ZNF124: variants seen among roughly 807,000 people sequenced by gnomAD.
The protein encoded by ZNF124 is zinc finger protein HZF-16.
In ZNF124, 25 loss-of-function variants were observed where a neutral mutation model predicts 26.6. That is an observed-to-expected ratio of 0.94 (90% CI 0.68 to 1.31). The LOEUF is 1.31. Ranked by LOEUF, ZNF124 falls within the 40% of genes most tolerant of loss-of-function variation. The pLI is 0.00. For missense variants in ZNF124, 444 were observed against 422.2 expected (o/e 1.05, Z -0.45); for synonymous variants, 129 against 133.3 (o/e 0.97, Z 0.22).
intron 3 of ZNF124, among the ~76,000 whole-genome samples, chr1:247,147,552 T>C (rs1010279521): frequency 2.3e-4 from 35 of 152,112 alleles, no homozygotes; most frequent in African/African-American, 8.2e-4. Flanking sequence ...AAGCACAGTC[T>C]CAATTATCAG....
At chr1:247,167,236 A>G (rs2103136685) in intron 1 of ZNF124, among the ~76,000 whole-genome samples, 1 of 152,238 alleles carries the variant, frequency 6.6e-6, no homozygotes, top group South Asian at 2.1e-4. Context: ...GCGGTAGAGA[A>G]CCTCTGCTTT....
chr1:247,158,028 T>A (rs556801808), intron 3 of ZNF124, among the ~76,000 whole-genome samples: 1 of 151,694 alleles, frequency 6.6e-6, no homozygotes, highest in Non-Finnish European at 1.5e-5. Flanking sequence ...GGTGGGCAGA[T>A]CACTTGAGGT....
At chr1:247,166,274 A>C (rs960341649) in intron 1 of ZNF124, among the ~76,000 whole-genome samples, 2 of 152,362 alleles carry the variant, frequency 1.3e-5, no homozygotes, top group Non-Finnish European at 2.9e-5. Flanking sequence ...GTGGGAATTC[A>C]ATTCACTCAT....
At chr1:247,160,674 G>T (rs1673430099) in intron 1 of ZNF124, among the ~76,000 whole-genome samples, 1 of 152,154 alleles carries the variant, frequency 6.6e-6, no homozygotes, top group Admixed American at 6.5e-5. Flanking sequence ...TAGCAGTGGT[G>T]CCTAGGGGGA....
At chr1:247,143,923 G>T (rs1185942840) in intron 3 of ZNF124, among the ~76,000 whole-genome samples, 1 of 152,060 alleles carries the variant, frequency 6.6e-6, no homozygotes, top group Non-Finnish European at 1.5e-5. Context: ...CAGACAGCTA[G>T]GCAGTAAGCA....
chr1:247,154,587 A>C (rs1365269661), downstream of ZNF124, among the ~76,000 whole-genome samples: 4 of 152,244 alleles, frequency 2.6e-5, no homozygotes. Flanking sequence ...CTTTCAATAT[A>C]GATGCAAAAT....
intron 3 of ZNF124, among the ~76,000 whole-genome samples, chr1:247,138,992 T>C (rs1197219724): frequency 6.6e-6 from 1 of 152,250 alleles, no homozygotes. Context: ...TATCTACCGA[T>C]GACCTGAAAG....
chr1:247,132,744 A>G (rs1034845798), intron 3 of ZNF124, among the ~76,000 whole-genome samples: 1 of 152,230 alleles, frequency 6.6e-6, no homozygotes, highest in Non-Finnish European at 1.5e-5. Context: ...CATTGCATAG[A>G]AAAGCACTGT....
At chr1:247,172,313 G>A (rs113505888), upstream of ZNF124, among the ~76,000 whole-genome samples, 7,805 of 152,026 alleles carry the variant, frequency 0.051, 498 homozygotes, top group African/African-American at 0.16. Flanking sequence ...TTTAAAATAG[G>A]AAACAATATA....
intron 1 of ZNF124, among the ~76,000 whole-genome samples, chr1:247,167,977 C>A (rs1272357615): frequency 1.3e-5 from 2 of 152,100 alleles, no homozygotes; most frequent in African/African-American, 4.8e-5. Flanking sequence ...CAGGGAAATG[C>A]AAATTAAAAC....
intron 1 of ZNF124, among the ~76,000 whole-genome samples, chr1:247,167,280 T>A (rs1673833497): frequency 3.3e-5 from 5 of 152,216 alleles, no homozygotes; most frequent in Non-Finnish European, 7.3e-5. Flanking sequence ...TTGGAAATCC[T>A]GGCCACAGTG....
At chr1:247,148,838 C>T (rs558961754) in intron 3 of ZNF124, among the ~76,000 whole-genome samples, 309 of 152,018 alleles carry the variant, frequency 2.0e-3, no homozygotes, top group African/African-American at 7.1e-3. Context: ...GGTGTGGTGG[C>T]GGGTACCTGT....
intron 1 of ZNF124, among the ~76,000 whole-genome samples, chr1:247,163,921 C>T (rs1673636113): frequency 6.6e-6 from 1 of 152,112 alleles, no homozygotes; most frequent in African/African-American, 2.4e-5. Flanking sequence ...AAATCCAGCA[C>T]ACACCAAAAA....
At chr1:247,153,062 G>A (rs1219945061), downstream of ZNF124, among the ~76,000 whole-genome samples, 1 of 151,864 alleles carries the variant, frequency 6.6e-6, no homozygotes, top group Admixed American at 6.6e-5. Context: ...GAACCCGGGA[G>A]GTGGAGGTTG....
At chr1:247,145,947 A>G (rs1404179781) in intron 3 of ZNF124, among the ~76,000 whole-genome samples, 1 of 152,218 alleles carries the variant, frequency 6.6e-6, no homozygotes, top group Non-Finnish European at 1.5e-5. Context: ...GAGTGACTGG[A>G]CACAGCAGTA....
chr1:247,144,102 TC>T (rs1316103159), intron 3 of ZNF124, among the ~76,000 whole-genome samples: 33 of 152,194 alleles, frequency 2.2e-4, no homozygotes, highest in African/African-American at 6.8e-4. Context: ...TCCAGATTTT[TC>T]TTTGGCCCTC....
Position 247,159,786 on chromosome 1 carries a change from C to T in ZNF124, c.58G>A (p.Val20Met), listed in dbSNP as rs757128984. ...GCCCACTCCTCCTGGGTGAAGTTCACAGCCACATCCTCAAAGGCAACCGAG... is the reference window on the plus strand; with the variant it reads ...GCCCACTCCTCCTGGGTGAAGTTCATAGCCACATCCTCAAAGGCAACCGAG... The part of the protein sequence containing the change: ...MNSVAFEDVA[V>M]NFTQEEWALL... The change falls in exon 2 of 4, where the codon GTG becomes ATG. Residue 20 changes from valine (V) to methionine (M), a missense_variant. By Grantham distance (21) the Val-to-Met change is conservative (BLOSUM62 1). Coordinates refer to ENST00000543802, the MANE Select transcript of ZNF124 (RefSeq NM_001297568.2). 2 of 1,613,392 alleles carry T rather than the reference C, an allele frequency of 1.2e-6. No homozygotes were observed. Among genetic ancestry groups the T allele is most frequent in the African/African-American group, 2.7e-5 (2 of 74,880 alleles).
Position 247,156,112 on chromosome 1 carries a change from T to C in ZNF124, c.*454A>G. The C allele has an allele frequency of 1.0e-6, 1 of 985,232 alleles. No homozygotes were observed. Among genetic ancestry groups the C allele is most frequent in the South Asian group, 4.7e-5 (1 of 21,278 alleles). 61.0% of individuals were successfully genotyped at this position (985,232 alleles called of 1,614,324 possible). A position where few individuals can be genotyped will look rare whatever the true frequency, so the allele number is the denominator to read the frequency against. On this transcript the variant is annotated 3_prime_UTR_variant, in exon 4 of 4. Coordinates refer to ENST00000543802, the MANE Select transcript of ZNF124 (RefSeq NM_001297568.2). ...TTTCACATGACCTTTAAAGTAATTG[T>C]TAAAATTCAGAATTTTCTGTATTTC...
In ZNF124 at chr1:247,136,718, G is replaced by A. The variant is rs182306064; in HGVS notation, c.219-12847C>T. ...TCCCAGCACTTTAGGAGGCCAAGGC[G>A]GGTATATCACTTGAGGTCAGGAGCT... is the stretch of plus-strand genomic sequence containing the variant. On this transcript the variant is annotated intron_variant, in intron 3 of 3. Coordinates refer to the ZNF124 transcript ENST00000472531. 3.1e-3 allele frequency among the ~76,000 whole-genome samples: 468 copies of A among 152,170 alleles called. 2 individuals are homozygous for A. Among genetic ancestry groups the A allele is most frequent in the Non-Finnish European group, 3.6e-3 (246 of 68,004 alleles).
Sources: gnomAD v4.1 joint callset for allele counts (sites outside exome capture counted in the v4.1 genomes callset) on GRCh38, gnomAD v4.1.1 for gene constraint, MANE v1.5 for transcripts, NCBI Gene and HGNC (gene_info 2026-07-23, HGNC 2026-07-21) for gene names.